The following KCNH8 variants were observed in gnomAD, a reference collection of about 807,000 sequenced individuals.
KCNH8 encodes the protein potassium voltage-gated channel subfamily H member 8, also known as voltage-gated delayed rectifier potassium channel KCNH8.
In KCNH8, 70 loss-of-function variants were observed where a neutral mutation model predicts 103.6. The ratio of observed to expected loss-of-function variants is 0.68; its 90% confidence interval spans 0.56 to 0.82. The LOEUF is 0.82. Among genes scored for constraint, KCNH8 ranks in the 40% least tolerant of loss-of-function variants. KCNH8 has a pLI of 0.00. For synonymous variants in KCNH8, 498 were observed against 489.4 expected (o/e 1.02, Z -0.23); for missense variants, 1,217 against 1,329.9 (o/e 0.92, Z 1.32).
Position 19,513,016 on chromosome 3 carries a change from T to C in KCNH8, c.2126T>C (p.Ile709Thr), listed in dbSNP as rs138374380. The C allele has an allele frequency of 3.0e-4, 486 of 1,613,590 alleles. 1 individual carries two copies. In the Middle Eastern group the frequency reaches 3.5e-3, roughly 12 times the overall value. ...NGNINKRLPS[I>T]VEDEEEEEEG... Reference sequence around the variant, plus strand: ...AACATCAACAAGCGACTCCCATCCATTGTGGAAGATGAGGAAGAGGAGGAG... The same window carrying C: ...AACATCAACAAGCGACTCCCATCCACTGTGGAAGATGAGGAAGAGGAGGAG... Residue 709 changes from isoleucine to threonine, a missense_variant, in exon 13 of 16, where the codon ATT becomes ACT. By Grantham distance (89) the Ile-to-Thr change is moderately conservative. Coordinates refer to ENST00000328405, the MANE Select transcript of KCNH8 (RefSeq NM_144633.3).
At chr3:19,503,129 A>T (rs2068622102) in intron 11 of KCNH8, among the ~76,000 whole-genome samples, 1 of 151,300 alleles carries the variant, frequency 6.6e-6, no homozygotes, top group South Asian at 2.1e-4. Context: ...ACATGAACAG[A>T]CACTTCTCAA....
At chr3:19,181,462 T>C (rs1475794870) in intron 1 of KCNH8, among the ~76,000 whole-genome samples, 1 of 152,088 alleles carries the variant, frequency 6.6e-6, no homozygotes, top group Non-Finnish European at 1.5e-5. Context: ...AAATTAATGA[T>C]ATGTAAATAT....
intron 11 of KCNH8, among the ~76,000 whole-genome samples, chr3:19,505,807 T>C (rs746343470): frequency 1.3e-5 from 2 of 152,216 alleles, no homozygotes; most frequent in African/African-American, 2.4e-5. Context: ...CAGTGATTCA[T>C]AGATTTTGGT....
chr3:19,315,255 C>T (rs1191133974), intron 3 of KCNH8, among the ~76,000 whole-genome samples: 1 of 151,936 alleles, frequency 6.6e-6, no homozygotes, highest in Admixed American at 6.6e-5. Context: ...GAGGTAGGAT[C>T]ACAGGGCATC....
At chr3:19,170,504 C>T (rs1385887930) in intron 1 of KCNH8, among the ~76,000 whole-genome samples, 1 of 150,970 alleles carries the variant, frequency 6.6e-6, no homozygotes, top group Non-Finnish European at 1.5e-5. Flanking sequence ...CTGATCATGA[C>T]TCCTCCTTAC....
At chr3:19,267,452 T>C (rs947829371) in intron 2 of KCNH8, among the ~76,000 whole-genome samples, 3 of 152,140 alleles carry the variant, frequency 2.0e-5, no homozygotes, top group African/African-American at 7.2e-5. Flanking sequence ...TTCGAAGGAA[T>C]TCACATTTTC....
In KCNH8 at chr3:19,303,363, T is replaced by C. The variant is rs534764959; in HGVS notation, c.442+22034T>C. On this transcript the variant is annotated intron_variant, in intron 3 of 15. Transcript: ENST00000328405. Reference sequence around the variant, plus strand: ...ACAGTAAGAACAAAATTTTAGAAGCTGAAAAGCAAACAGATGAGTGTGAAT... The same window carrying C: ...ACAGTAAGAACAAAATTTTAGAAGCCGAAAAGCAAACAGATGAGTGTGAAT... Among the ~76,000 whole-genome samples, 10 of 152,220 alleles carry C rather than the reference T, an allele frequency of 6.6e-5. No homozygotes were observed. In the South Asian group the frequency reaches 2.1e-3, roughly 32 times the overall value.
intron 5 of KCNH8, among the ~76,000 whole-genome samples, chr3:19,364,446 T>C (rs368456953): frequency 5.9e-5 from 9 of 152,250 alleles, no homozygotes; most frequent in African/African-American, 2.2e-4. Flanking sequence ...AGATAATATA[T>C]TTGGAACATT....
At chr3:19,417,081 GCTAA>G (rs1446876366) in intron 7 of KCNH8, among the ~76,000 whole-genome samples, 1 of 151,220 alleles carries the variant, frequency 6.6e-6, no homozygotes, top group African/African-American at 2.4e-5. Flanking sequence ...CATAGTGTCA[GCTAA>G]CTAACTTCCT....
In KCNH8 at chr3:19,315,221, A is replaced by G. The variant is rs190139936; in HGVS notation, c.443-27366A>G. ...GTCAGTGCCAGAACTGGTAAAGAAAATGAAGGTTCTATTTCTGATCCAAGA... is the reference window on the plus strand; with the variant it reads ...GTCAGTGCCAGAACTGGTAAAGAAAGTGAAGGTTCTATTTCTGATCCAAGA... On this transcript the variant is annotated intron_variant, in intron 3 of 15. Transcript: ENST00000328405. Among the ~76,000 whole-genome samples the G allele has an allele frequency of 2.8e-4, 43 of 152,094 alleles. No individual in the cohort carries two copies. In the East Asian group the frequency reaches 7.9e-3, roughly 28 times the overall value.
intron 5 of KCNH8, among the ~76,000 whole-genome samples, chr3:19,386,598 T>C (rs902461988): frequency 2.0e-5 from 3 of 151,868 alleles, no homozygotes; most frequent in African/African-American, 7.2e-5. Flanking sequence ...TGTGTGTATA[T>C]GTGTGTGTTT....
intron 1 of KCNH8, among the ~76,000 whole-genome samples, chr3:19,201,564 T>A (rs941301941): frequency 7.9e-5 from 12 of 152,068 alleles, no homozygotes; most frequent in African/African-American, 2.4e-4. Flanking sequence ...GACTTTTTTT[T>A]ATATTCTACT....
chr3:19,376,323 C>T (rs150515977), intron 5 of KCNH8, among the ~76,000 whole-genome samples: 159 of 152,272 alleles, frequency 1.0e-3, no homozygotes, highest in Admixed American at 4.2e-3. Flanking sequence ...TGAAGCCGGT[C>T]GGAAAAGCGC....
At chr3:19,412,512 C>T (rs529496497) in intron 7 of KCNH8, among the ~76,000 whole-genome samples, 35 of 151,988 alleles carry the variant, frequency 2.3e-4, no homozygotes, top group African/African-American at 8.2e-4. Flanking sequence ...TAGTCAAAAG[C>T]AATCACAACA....
chr3:19,494,429 C>T (rs945520267), intron 11 of KCNH8, among the ~76,000 whole-genome samples: 3 of 152,154 alleles, frequency 2.0e-5, no homozygotes, highest in African/African-American at 4.8e-5. Context: ...TCTTTGCCTG[C>T]TGTCATCCAT....
At chr3:19,504,619 A>C (rs2068655319) in intron 11 of KCNH8, among the ~76,000 whole-genome samples, 1 of 152,148 alleles carries the variant, frequency 6.6e-6, no homozygotes, top group South Asian at 2.1e-4. Flanking sequence ...TGCAAATCAA[A>C]ACCATGAGAT....
chr3:19,430,856 G>C (rs57565118), intron 7 of KCNH8, among the ~76,000 whole-genome samples: 5,712 of 152,254 alleles, frequency 0.038, 280 homozygotes, highest in East Asian at 0.24. Context: ...CTTTGCTGAA[G>C]TTGTGTATCA....
At chr3:19,182,463 A>G (rs1319322082) in intron 1 of KCNH8, among the ~76,000 whole-genome samples, 1 of 152,182 alleles carries the variant, frequency 6.6e-6, no homozygotes, top group Non-Finnish European at 1.5e-5. Flanking sequence ...CCCGGGAGGC[A>G]GAGCTTGCCG....
At chr3:19,267,418 G>A (rs1431070495) in intron 2 of KCNH8, among the ~76,000 whole-genome samples, 1 of 152,026 alleles carries the variant, frequency 6.6e-6, no homozygotes, top group African/African-American at 2.4e-5. Flanking sequence ...GTTCAATGTT[G>A]GCCTTTAGCA....
Sources: gnomAD v4.1 joint callset for allele counts (sites outside exome capture counted in the v4.1 genomes callset) on GRCh38, gnomAD v4.1.1 for gene constraint, MANE v1.5 for transcripts, NCBI Gene and HGNC (gene_info 2026-07-23, HGNC 2026-07-21) for gene names.